Variants in CNTN5 observed in about 807,000 individuals in gnomAD.
The protein encoded by CNTN5 is contactin 5.
In CNTN5, 77 loss-of-function variants were observed where a neutral mutation model predicts 129.1. The ratio of observed to expected loss-of-function variants is 0.60; its 90% confidence interval spans 0.50 to 0.72. The LOEUF (loss-of-function observed/expected upper bound fraction) is 0.72. Ranked by LOEUF, CNTN5 falls within the 30% of genes least tolerant of loss-of-function variation. The pLI is 0.00. For missense variants in CNTN5, 1,478 were observed against 1,328.8 expected, an observed-to-expected ratio of 1.11 and a Z score of -1.75; for synonymous variants, 509 against 465.6, an observed-to-expected ratio of 1.09 and a Z score of -1.20.
intron 2 of CNTN5, among the ~76,000 whole-genome samples, chr11:99,417,000 A>ACTGAC (rs1272722029): frequency 6.6e-6 from 1 of 152,224 alleles, no homozygotes; most frequent in Non-Finnish European, 1.5e-5. Flanking sequence ...AGAGGCAGAG[A>ACTGAC]CTGACCTATT....
chr11:100,017,777 A>G (rs1432586840), intron 9 of CNTN5, among the ~76,000 whole-genome samples: 1 of 152,012 alleles, frequency 6.6e-6, no homozygotes, highest in Non-Finnish European at 1.5e-5. Context: ...CATCTATGGG[A>G]TTTCACACAC....
intron 10 of CNTN5, 158 bp from the exon 11 acceptor site, chr11:100,070,266 G>C (rs1037577302): frequency 3.5e-6 from 2 of 576,212 alleles, no homozygotes; most frequent in African/African-American, 1.9e-5. Context: ...ACAGGAAATA[G>C]AATTTTGTGT....
intron 6 of CNTN5, among the ~76,000 whole-genome samples, chr11:99,884,977 AAAAC>A (rs1008985949): frequency 1.1e-4 from 17 of 152,130 alleles, no homozygotes; most frequent in East Asian, 3.9e-4. Context: ...ACCCCATCTC[AAAAC>A]AAACAAAACA....
At chr11:100,189,691 T>G (rs536080185) in intron 13 of CNTN5, among the ~76,000 whole-genome samples, 1 of 152,266 alleles carries the variant, frequency 6.6e-6, no homozygotes, top group East Asian at 1.9e-4. Flanking sequence ...TAACATTTCA[T>G]TTTCATAGAA....
chr11:99,446,985 G>A (rs1209520711), intron 2 of CNTN5, among the ~76,000 whole-genome samples: 1 of 152,110 alleles, frequency 6.6e-6, no homozygotes, highest in Non-Finnish European at 1.5e-5. Context: ...GTTTTGAGGC[G>A]AAGGGAAGTC....
chr11:99,042,865 T>G (rs1864060483), intron 1 of CNTN5, among the ~76,000 whole-genome samples: 1 of 148,782 alleles, frequency 6.7e-6, no homozygotes, highest in Non-Finnish European at 1.5e-5. Flanking sequence ...ACGTTTTCAT[T>G]GATCTCTGTA....
chr11:100,089,599 T>C (rs539297674), intron 13 of CNTN5, among the ~76,000 whole-genome samples: 1 of 152,202 alleles, frequency 6.6e-6, no homozygotes, highest in South Asian at 2.1e-4. Context: ...TATAAAGATA[T>C]GTTCCTTGCA....
intron 3 of CNTN5, among the ~76,000 whole-genome samples, chr11:99,709,774 G>A (rs983268275): frequency 6.6e-6 from 1 of 151,774 alleles, no homozygotes; most frequent in Admixed American, 6.6e-5. Context: ...GCATTCATTG[G>A]TGTTTTATTA....
intron 3 of CNTN5, among the ~76,000 whole-genome samples, chr11:99,786,288 C>T (rs898659679): frequency 6.6e-6 from 1 of 152,008 alleles, no homozygotes; most frequent in African/African-American, 2.4e-5. Context: ...CCTAGGAATC[C>T]AACTTACAAG....
At chr11:99,616,846 C>G (rs1011397650) in intron 3 of CNTN5, among the ~76,000 whole-genome samples, 1 of 152,218 alleles carries the variant, frequency 6.6e-6, no homozygotes, top group Non-Finnish European at 1.5e-5. Context: ...TGCAGTGGCT[C>G]ACGCCTGTAA....
chr11:100,185,378 C>A (rs1948268633), intron 13 of CNTN5, among the ~76,000 whole-genome samples: 1 of 152,112 alleles, frequency 6.6e-6, no homozygotes, highest in African/African-American at 2.4e-5. Context: ...ATTCTCCACC[C>A]TTCAGTACTC....
chr11:99,900,597 G>C (rs1453066775), intron 6 of CNTN5, among the ~76,000 whole-genome samples: 1 of 149,846 alleles, frequency 6.7e-6, no homozygotes, highest in Non-Finnish European at 1.5e-5. Context: ...GATCTTTTTT[G>C]TTTTCAATTT....
At chr11:100,207,871 T>C (rs755193980) in intron 15 of CNTN5, among the ~76,000 whole-genome samples, 11 of 152,192 alleles carry the variant, frequency 7.2e-5, no homozygotes, top group Admixed American at 1.3e-4. Context: ...CATATGACAA[T>C]ATCAAATGCT....
chr11:99,590,332 A>G (rs1565327811), intron 3 of CNTN5, among the ~76,000 whole-genome samples: 1 of 152,218 alleles, frequency 6.6e-6, no homozygotes, highest in Non-Finnish European at 1.5e-5. Context: ...AATGCAAAAG[A>G]GATCCAAACT....
chr11:99,168,681 G>A (rs1392743199), intron 1 of CNTN5, among the ~76,000 whole-genome samples: 2 of 152,148 alleles, frequency 1.3e-5, no homozygotes, highest in African/African-American at 2.4e-5. Flanking sequence ...CAGAAATGGT[G>A]TATTTTTTCA....
chr11:99,418,244 C>CA (rs1335350978), intron 2 of CNTN5, among the ~76,000 whole-genome samples: 3 of 151,146 alleles, frequency 2.0e-5, no homozygotes, highest in African/African-American at 7.3e-5. Flanking sequence ...AATGGAAAAA[C>CA]AAAAAAATTT....
chr11:100,037,720 TA>T (rs755541590), intron 9 of CNTN5, among the ~76,000 whole-genome samples: 8 of 152,236 alleles, frequency 5.3e-5, no homozygotes, highest in Non-Finnish European at 1.0e-4. Context: ...TTGAGGAATT[TA>T]TCCATTTCTT....
intron 1 of CNTN5, among the ~76,000 whole-genome samples, chr11:99,098,720 C>T (rs1347798455): frequency 6.6e-6 from 1 of 152,042 alleles, no homozygotes; most frequent in African/African-American, 2.4e-5. Context: ...ATTTTTCTTT[C>T]AATTACTTTA....
chr11:99,061,572 T>TA (rs1168771625), intron 1 of CNTN5, among the ~76,000 whole-genome samples: 2 of 152,022 alleles, frequency 1.3e-5, no homozygotes, highest in Non-Finnish European at 2.9e-5. Flanking sequence ...TTAGCCAAGA[T>TA]AAAAAATAAC....
Sources: allele counts gnomAD v4.1 joint callset (sites outside exome capture counted in the v4.1 genomes callset), GRCh38; gene constraint gnomAD v4.1.1; transcripts MANE v1.5; gene names NCBI Gene and HGNC (gene_info 2026-07-23, HGNC 2026-07-21).